The following GRIN2A variants were observed in gnomAD, a reference collection of about 807,000 sequenced individuals.
GRIN2A encodes the protein glutamate ionotropic receptor NMDA type subunit 2A.
In GRIN2A, 22 loss-of-function variants were observed where a neutral mutation model predicts 113.4. The ratio of observed to expected loss-of-function variants is 0.19; its 90% CI spans 0.14 to 0.28. GRIN2A has a LOEUF of 0.28. Ranked by LOEUF, GRIN2A falls within the 10% of genes least tolerant of loss-of-function variation. The probability of loss-of-function intolerance (pLI) is 1.00; values close to 1 mark genes in which losing one functional copy is unlikely to be tolerated. For synonymous variants in GRIN2A, 827 were observed against 738.4 expected (o/e 1.12, Z -1.94); for missense variants, 1,502 against 1,887.0 (o/e 0.80, Z 3.78).
At chr16:10,019,020 A>G (rs1209626736) in intron 2 of GRIN2A, among the ~76,000 whole-genome samples, 1 of 151,804 alleles carries the variant, frequency 6.6e-6, no homozygotes, top group Non-Finnish European at 1.5e-5. Context: ...TTTAACAATG[A>G]TCATCCATTT....
chr16:9,842,665 A>G (rs553092582), intron 5 of GRIN2A, among the ~76,000 whole-genome samples: 1 of 152,356 alleles, frequency 6.6e-6, no homozygotes, highest in East Asian at 1.9e-4. Context: ...GGACAGGTGC[A>G]GTGGCTCATT....
chr16:9,970,462 A>G (rs748634365), intron 2 of GRIN2A, among the ~76,000 whole-genome samples: 5 of 152,196 alleles, frequency 3.3e-5, no homozygotes, highest in Non-Finnish European at 7.3e-5. Context: ...AAAACATATG[A>G]AAGAAAGTGC....
At chr16:9,884,713 A>C (rs1433732041) in intron 4 of GRIN2A, among the ~76,000 whole-genome samples, 1 of 151,126 alleles carries the variant, frequency 6.6e-6, no homozygotes, top group Non-Finnish European at 1.5e-5. Flanking sequence ...CTTTACAAAG[A>C]ATTTCTCTAA....
At position 10,047,484 on chromosome 16, in the gene GRIN2A, G is replaced by C. The variant is rs142484325; in HGVS notation, c.415-108933C>G. On this transcript the variant is annotated intron_variant, in intron 2 of 12. Transcript: ENST00000330684. ...GTTCTTGGTTTAAAGATTATTGTCTGCTTTTAGGAATTAGGACCTCAGTTC... is the reference window on the plus strand; with the variant it reads ...GTTCTTGGTTTAAAGATTATTGTCTCCTTTTAGGAATTAGGACCTCAGTTC... 5.3e-3 allele frequency among the ~76,000 whole-genome samples: 808 copies of C among 152,320 alleles called. 5 individuals carry two copies. Among genetic ancestry groups the C allele is most frequent in the African/African-American group, 0.018 (756 of 41,584 alleles).
intron 2 of GRIN2A, chr16:10,112,410 A>C (rs2048635171): frequency 1.4e-6 from 1 of 718,590 alleles, no homozygotes; most frequent in South Asian, 1.5e-5. Context: ...GCCCCAGGGC[A>C]CTGCTGTGTA....
chr16:10,078,767 G>C (rs969324856), intron 2 of GRIN2A, among the ~76,000 whole-genome samples: 3 of 152,166 alleles, frequency 2.0e-5, no homozygotes, highest in Non-Finnish European at 4.4e-5. Flanking sequence ...AGCTGCTGGG[G>C]AGCTGATGTC....
chr16:10,166,481 C>G (rs2049927304), intron 2 of GRIN2A, among the ~76,000 whole-genome samples: 2 of 152,128 alleles, frequency 1.3e-5, no homozygotes, highest in South Asian at 4.2e-4. Context: ...GGGCAGGCAC[C>G]CAGGACACAA....
At chr16:9,788,657 C>T (rs1373082569) in intron 11 of GRIN2A, among the ~76,000 whole-genome samples, 2 of 151,826 alleles carry the variant, frequency 1.3e-5, no homozygotes, top group African/African-American at 4.8e-5. Context: ...TCCTTCCCCA[C>T]ACTATTTGTC....
chr16:10,173,104 G>A (rs940109839), intron 2 of GRIN2A, among the ~76,000 whole-genome samples: 3 of 152,160 alleles, frequency 2.0e-5, no homozygotes, highest in Admixed American at 6.5e-5. Flanking sequence ...CCGGGAGGAC[G>A]CCTGTTGGTC....
chr16:9,949,686 C>T (rs981414463), intron 2 of GRIN2A, among the ~76,000 whole-genome samples: 1 of 144,772 alleles, frequency 6.9e-6, no homozygotes, highest in Non-Finnish European at 1.5e-5. Flanking sequence ...GATGGATGGA[C>T]AGATAAATGG....
At chr16:10,070,085 T>G (rs1031168816) in intron 2 of GRIN2A, among the ~76,000 whole-genome samples, 1 of 152,174 alleles carries the variant, frequency 6.6e-6, no homozygotes, top group African/African-American at 2.4e-5. Flanking sequence ...GGGACTTCAG[T>G]GGCAACGTCT....
intron 2 of GRIN2A, among the ~76,000 whole-genome samples, chr16:10,024,128 C>A (rs553353043): frequency 6.6e-6 from 1 of 152,166 alleles, no homozygotes; most frequent in Non-Finnish European, 1.5e-5. Flanking sequence ...CAAATCGAGC[C>A]CATGAGGCTT....
At chr16:9,832,519 T>C (rs2042515086) in intron 8 of GRIN2A, among the ~76,000 whole-genome samples, 2 of 152,202 alleles carry the variant, frequency 1.3e-5, no homozygotes, top group Admixed American at 1.3e-4. Context: ...CTACATGTTA[T>C]TTTCACAACT....
At chr16:10,022,950 G>A (rs1432013945) in intron 2 of GRIN2A, among the ~76,000 whole-genome samples, 2 of 152,154 alleles carry the variant, frequency 1.3e-5, no homozygotes, top group Non-Finnish European at 2.9e-5. Flanking sequence ...GTATTCCAAT[G>A]TCTACCAGGG....
chr16:10,102,269 T>C (rs2048415113), intron 2 of GRIN2A, among the ~76,000 whole-genome samples: 1 of 152,244 alleles, frequency 6.6e-6, no homozygotes, highest in African/African-American at 2.4e-5. Context: ...ACCCTGGTAA[T>C]GAGTGAGCTC....
chr16:10,120,411 T>C (rs58626002), intron 2 of GRIN2A, among the ~76,000 whole-genome samples: 27,510 of 152,212 alleles, frequency 0.18, 3,132 homozygotes, highest in East Asian at 0.41. Context: ...AAGGTTCCCA[T>C]CCCAACTTGA....
chr16:9,935,512 T>TCACACACACACA lies in GRIN2A; in HGVS notation c.1007+2435_1007+2446dup, dbSNP rs71157793. ...TAAGAAGTATATTCTGTCTACTTCA[T>TCACACACACACA]CACACACACACACACACACACACAC... On this transcript the variant is annotated intron_variant, in intron 3 of 12. Coordinates refer to ENST00000330684, the MANE Select transcript of GRIN2A (RefSeq NM_001134407.3). Among the ~76,000 whole-genome samples the TCACACACACACA allele has an allele frequency of 2.5e-3, 327 of 132,892 alleles. 2 individuals are homozygous for TCACACACACACA. Among genetic ancestry groups the TCACACACACACA allele is most frequent in the Non-Finnish European group, 3.7e-3 (233 of 62,574 alleles). 87.2% of individuals were successfully genotyped at this position (132,892 alleles called of 152,430 possible).
At chr16:10,172,687 C>G (rs914131509) in intron 2 of GRIN2A, among the ~76,000 whole-genome samples, 3 of 152,188 alleles carry the variant, frequency 2.0e-5, no homozygotes, top group African/African-American at 7.2e-5. Context: ...CCAGTATGGC[C>G]AGGCCTTCTG....
intron 3 of GRIN2A, among the ~76,000 whole-genome samples, chr16:9,922,609 G>C (rs542884722): frequency 6.6e-6 from 1 of 152,288 alleles, no homozygotes; most frequent in Admixed American, 6.5e-5. Context: ...AACTAACCAA[G>C]CAAAGAGCCA....
Sources: allele counts gnomAD v4.1 joint callset (sites outside exome capture counted in the v4.1 genomes callset), GRCh38; gene constraint gnomAD v4.1.1; transcripts MANE v1.5; gene names NCBI Gene and HGNC (gene_info 2026-07-23, HGNC 2026-07-21).